Variants in THEMIS observed in about 807,000 individuals in gnomAD.
THEMIS encodes protein THEMIS.
Under a neutral mutation model 52.6 loss-of-function variants are expected in THEMIS, and 37 were observed. The observed-to-expected ratio is 0.70, with a 90% confidence interval of 0.54 to 0.93. THEMIS has a LOEUF of 0.93. THEMIS is among the 40% of genes least tolerant of loss of function. The pLI is 0.00. For synonymous variants in THEMIS, 292 were observed against 272.7 expected (o/e 1.07, Z -0.70); for missense variants, 808 against 763.1 (o/e 1.06, Z -0.69).
At chr6:127,787,165 G>A (rs116969142) in intron 4 of THEMIS, among the ~76,000 whole-genome samples, 3,344 of 152,272 alleles carry the variant, frequency 0.022, 49 homozygotes, top group Non-Finnish European at 0.033. Context: ...GATGCTAATT[G>A]TGGCAAACAG....
intron 4 of THEMIS, among the ~76,000 whole-genome samples, chr6:127,737,159 T>G (rs368884045): frequency 6.6e-6 from 1 of 152,150 alleles, no homozygotes; most frequent in South Asian, 2.1e-4. Flanking sequence ...CCTTTCAGAG[T>G]GTAGCTACTC....
At chr6:127,798,869 G>C (rs909862719) in intron 4 of THEMIS, among the ~76,000 whole-genome samples, 1 of 151,562 alleles carries the variant, frequency 6.6e-6, no homozygotes, top group Non-Finnish European at 1.5e-5. Context: ...GCGGGCGCCT[G>C]TAGTCCCAGC....
chr6:127,774,941 C>G (rs1040986747), intron 4 of THEMIS, among the ~76,000 whole-genome samples: 2 of 152,094 alleles, frequency 1.3e-5, no homozygotes, highest in African/African-American at 2.4e-5. Flanking sequence ...TTCCACCTTA[C>G]GATGAGGAGA....
intron 4 of THEMIS, among the ~76,000 whole-genome samples, chr6:127,810,096 T>C (rs1018702544): frequency 6.6e-5 from 10 of 152,078 alleles, no homozygotes; most frequent in African/African-American, 2.4e-4. Context: ...CACTTCAGTT[T>C]AGTAGTCTAG....
chr6:127,703,047 T>TTTTTTTG, the THEMIS span, among the ~76,000 whole-genome samples: 1 of 113,692 alleles, frequency 8.8e-6, no homozygotes, highest in African/African-American at 3.2e-5. Context: ...TTTTTTTTTT[T>TTTTTTTG]TTTTTTTTTT....
intron 4 of THEMIS, among the ~76,000 whole-genome samples, chr6:127,801,137 A>G (rs140921327): frequency 4.6e-5 from 7 of 152,224 alleles, no homozygotes; most frequent in Non-Finnish European, 8.8e-5. Context: ...TTCCTGATAC[A>G]TGCTCATGAG....
chr6:127,841,375 T>C (rs1241326576), intron 2 of THEMIS, among the ~76,000 whole-genome samples: 3 of 152,072 alleles, frequency 2.0e-5, no homozygotes, highest in Non-Finnish European at 4.4e-5. Flanking sequence ...ATGAGAATCC[T>C]TCCCTGCTGG....
In THEMIS at chr6:127,877,650, G is replaced by T. The variant is rs992941023; in HGVS notation, c.92-22462C>A. Among the ~76,000 whole-genome samples, 9 of 152,224 alleles carry T rather than the reference G, an allele frequency of 5.9e-5. 2 individuals carry two copies. The highest frequency in any genetic ancestry group is 5.9e-4 in the Admixed American group (9 of 15,294). ...TTTCCATCTTATATGCTCACTGTTCGTGGTGCCCCAAAACAATAACAATAG... is the reference window on the plus strand; with the variant it reads ...TTTCCATCTTATATGCTCACTGTTCTTGGTGCCCCAAAACAATAACAATAG... On this transcript the variant is annotated intron_variant, in intron 1 of 5. Coordinates refer to ENST00000368248, the MANE Select transcript of THEMIS (RefSeq NM_001010923.3).
At chr6:127,918,431 T>G (rs1459119947) in exon 1 of THEMIS, 2 of 152,282 alleles carry the variant, frequency 1.3e-5, no homozygotes, top group South Asian at 4.2e-4. Flanking sequence ...GCTGTACCTT[T>G]GATCAGAGAG....
intron 4 of THEMIS, among the ~76,000 whole-genome samples, chr6:127,759,850 C>T (rs1206231540): frequency 3.7e-5 from 5 of 133,494 alleles, no homozygotes; most frequent in Non-Finnish European, 8.1e-5. Context: ...CTCCCTCCCT[C>T]CCTCCCTCCT....
intron 1 of THEMIS, among the ~76,000 whole-genome samples, chr6:127,862,553 G>A (rs1385265550): frequency 1.3e-5 from 2 of 149,928 alleles, no homozygotes; most frequent in Admixed American, 6.7e-5. Flanking sequence ...CCAAGTAGCT[G>A]GGATTACAGG....
chr6:127,826,643 C>T (rs1778516731), intron 3 of THEMIS, among the ~76,000 whole-genome samples: 1 of 152,154 alleles, frequency 6.6e-6, no homozygotes, highest in African/African-American at 2.4e-5. Flanking sequence ...GTCAAGACCT[C>T]TCTCTTTCAG....
intron 4 of THEMIS, among the ~76,000 whole-genome samples, chr6:127,729,737 T>C (rs928803944): frequency 1.3e-5 from 2 of 152,218 alleles, no homozygotes; most frequent in African/African-American, 4.8e-5. Context: ...ATCCGCTTAC[T>C]GCTCCTTTTG....
intron 4 of THEMIS, among the ~76,000 whole-genome samples, chr6:127,759,578 G>A (rs1441977632): frequency 6.6e-6 from 1 of 152,108 alleles, no homozygotes; most frequent in Non-Finnish European, 1.5e-5. Flanking sequence ...TAACCTTAGA[G>A]TCAACCTTAA....
chr6:127,902,506 T>C (rs945743650), upstream of THEMIS, among the ~76,000 whole-genome samples: 6 of 152,028 alleles, frequency 3.9e-5, no homozygotes, highest in Admixed American at 2.6e-4. Context: ...AGTTCTACCA[T>C]GGCCATCATG....
chr6:127,901,713 T>C (rs1781138825), upstream of THEMIS, among the ~76,000 whole-genome samples: 1 of 152,084 alleles, frequency 6.6e-6, no homozygotes, highest in Non-Finnish European at 1.5e-5. Context: ...CTGGGTTTAG[T>C]TCTGCTTTTG....
At chr6:127,832,130 T>A (rs891216846) in intron 2 of THEMIS, among the ~76,000 whole-genome samples, 3 of 152,182 alleles carry the variant, frequency 2.0e-5, no homozygotes, top group Non-Finnish European at 4.4e-5. Flanking sequence ...CACAGAAGAA[T>A]TAATTTGGTG....
Position 127,813,247 on chromosome 6 carries a change from T to G in THEMIS, c.1394A>C (p.Asp465Ala), listed in dbSNP as rs781517469. 236 of 1,613,962 alleles carry G rather than the reference T, an allele frequency of 1.5e-4. No homozygotes were observed. Among genetic ancestry groups the G allele is most frequent in the Middle Eastern group, 6.6e-4 (4 of 6,084 alleles). ...LPFNVKVSVR[D>A]LSIEEDVLAA... ...CAACACGTCCTCTTCAATGGAAAGA[T>G]CCCTGACAGACACCTTCACATTGAA... The change falls in exon 4 of 6, where the codon GAT becomes GCT. Residue 465 changes from aspartate to alanine, a missense_variant. Asp to Ala is a moderately radical substitution (Grantham distance 126). Transcript: ENST00000368248.
At chr6:127,912,292 G>A (rs1376238565) in intron 1 of THEMIS, among the ~76,000 whole-genome samples, 2 of 152,196 alleles carry the variant, frequency 1.3e-5, no homozygotes, top group Non-Finnish European at 2.9e-5. Flanking sequence ...TACCTAGGAA[G>A]TAACTAAATT....
Sources: allele counts gnomAD v4.1 joint callset (sites outside exome capture counted in the v4.1 genomes callset), GRCh38; gene constraint gnomAD v4.1.1; transcripts MANE v1.5; gene names NCBI Gene and HGNC (gene_info 2026-07-23, HGNC 2026-07-21).